The following NNT variants were observed in gnomAD, a reference collection of about 807,000 sequenced individuals.
The protein encoded by NNT is NAD(P) transhydrogenase, mitochondrial.
Under a neutral mutation model 104.8 loss-of-function variants are expected in NNT, and 50 were observed. The ratio of observed to expected loss-of-function variants is 0.48; its 90% CI spans 0.38 to 0.60. The LOEUF (loss-of-function observed/expected upper bound fraction) is 0.60, where lower values mean the gene tolerates loss of function less well. Ranked by LOEUF, NNT falls within the 20% of genes least tolerant of loss-of-function variation. The pLI is 0.00. For synonymous variants in NNT, 461 were observed against 490.4 expected (o/e 0.94, Z 0.79); for missense variants, 1,131 against 1,330.7 (o/e 0.85, Z 2.33).
intron 1 of NNT, among the ~76,000 whole-genome samples, chr5:43,608,010 A>T (rs1382294481): frequency 6.6e-6 from 1 of 151,694 alleles, no homozygotes; most frequent in Non-Finnish European, 1.5e-5. Context: ...GGCTCACTGC[A>T]TCCTCCACCT....
intron 19 of NNT, among the ~76,000 whole-genome samples, chr5:43,699,353 CTTT>C (rs11397352): frequency 1.6e-5 from 2 of 122,514 alleles, no homozygotes; most frequent in Non-Finnish European, 1.6e-5. Flanking sequence ...ATCTCCCTAC[CTTT>C]TTTTTTTTTT....
At chr5:43,657,707 T>C (rs1381178789) in intron 16 of NNT, among the ~76,000 whole-genome samples, 3 of 152,210 alleles carry the variant, frequency 2.0e-5, no homozygotes, top group Non-Finnish European at 2.9e-5. Context: ...TAAAATCTCA[T>C]CTTTATATTC....
At chr5:43,627,540 T>A (rs1365578586) in intron 6 of NNT, among the ~76,000 whole-genome samples, 1 of 152,184 alleles carries the variant, frequency 6.6e-6, no homozygotes, top group African/African-American at 2.4e-5. Context: ...TACATGCACG[T>A]CCACCACAGA....
At chr5:43,617,411 T>C (rs957858667) in intron 4 of NNT, among the ~76,000 whole-genome samples, 1 of 152,120 alleles carries the variant, frequency 6.6e-6, no homozygotes, top group African/African-American at 2.4e-5. Flanking sequence ...TTGTCTGAAG[T>C]TTAAACCTTC....
chr5:43,665,338 T>A (rs925343279), intron 17 of NNT, among the ~76,000 whole-genome samples: 1 of 151,826 alleles, frequency 6.6e-6, no homozygotes, highest in South Asian at 2.1e-4. Context: ...CAGATAAACA[T>A]GTGAACAAAG....
chr5:43,680,238 G>A (rs368966051), intron 19 of NNT, among the ~76,000 whole-genome samples: 1 of 151,836 alleles, frequency 6.6e-6, no homozygotes, highest in Non-Finnish European at 1.5e-5. Context: ...TCTTTACGAA[G>A]TTAGGAATAT....
Position 43,675,666 on chromosome 5 carries a change from A to C in NNT, c.2790A>C (p.Thr930=). The change falls in exon 18 of 22, where the codon ACA becomes ACC. Residue 930 remains threonine (T), a synonymous_variant. Coordinates refer to ENST00000344920, the MANE Select transcript of NNT (RefSeq NM_182977.3). ...MIREANSIII[T]PGYGLCAAKA... Reference sequence around the variant, plus strand: ...GAGAAGCTAATAGCATTATTATTACACCAGGTAAAGAAAAAAAGCAAAAGC... The same window carrying C: ...GAGAAGCTAATAGCATTATTATTACCCCAGGTAAAGAAAAAAAGCAAAAGC... 1 of 1,593,162 alleles carries C rather than the reference A, an allele frequency of 6.3e-7. No homozygotes were observed. The highest frequency in any genetic ancestry group is 8.5e-7 in the Non-Finnish European group (1 of 1,171,030).
chr5:43,704,414 A>T lies in NNT; in HGVS notation c.*10A>T. 1.2e-6 allele frequency: 2 copies of T among 1,613,276 alleles called. No individual in the cohort carries two copies. The highest frequency in any genetic ancestry group is 1.7e-6 in the Non-Finnish European group (2 of 1,179,488). On this transcript the variant is annotated 3_prime_UTR_variant, in exon 22 of 22. Coordinates refer to ENST00000344920, the MANE Select transcript of NNT (RefSeq NM_182977.3). ...ATCCTATCAGAAGTAAATATTAAGG[A>T]TCAAGCTGTTAGCTAATAATGCCAC...
upstream of NNT, chr5:43,602,904 G>A: frequency 6.5e-6 from 1 of 152,910 alleles, no homozygotes; most frequent in Non-Finnish European, 1.5e-5. Flanking sequence ...TGATTGACAA[G>A]GACTGGCGGA....
At chr5:43,688,978 C>T (rs1429195233) in intron 19 of NNT, among the ~76,000 whole-genome samples, 1 of 152,138 alleles carries the variant, frequency 6.6e-6, no homozygotes, top group Non-Finnish European at 1.5e-5. Flanking sequence ...CACTGTTTAC[C>T]ATAGTGTATT....
intron 6 of NNT, 39 bp from the exon 7 acceptor site, chr5:43,628,161 C>G: frequency 6.9e-7 from 1 of 1,448,726 alleles, no homozygotes; most frequent in South Asian, 1.6e-5. Context: ...TTATTAGGGC[C>G]TGAAATAACT....
At chr5:43,603,885 C>A (rs1247685296) in intron 1 of NNT, among the ~76,000 whole-genome samples, 2 of 152,008 alleles carry the variant, frequency 1.3e-5, no homozygotes, top group African/African-American at 4.8e-5. Context: ...GTTTCTGGGG[C>A]CTAGGCTGGT....
intron 17 of NNT, among the ~76,000 whole-genome samples, chr5:43,673,053 G>A (rs954523296): frequency 4.6e-5 from 7 of 152,344 alleles, no homozygotes; most frequent in East Asian, 1.9e-4. Context: ...AGCAATGAGC[G>A]AGGCTCTGTG....
chr5:43,656,217 G>A, intron 15 of NNT, 144 bp downstream of exon 15: 1 of 692,788 alleles, frequency 1.4e-6, no homozygotes, highest in South Asian at 1.9e-5. Context: ...TGAGGTGGGA[G>A]GCTCTCAAGC....
rs1028217432 is a variant in NNT at position 43,603,297 on chromosome 5, G to A, written c.-54+3G>A. ...AGGCTGTCAGCCTCCCGGCCCAGGT[G>A]AGCGCGACGGCACTGGCGGGTGCGG... On this transcript the variant is annotated splice_donor_region_variant and intron_variant, in intron 1 of 21. Transcript: ENST00000344920. The A allele has an allele frequency of 6.6e-6, 1 of 152,596 alleles. No homozygotes were observed. Among genetic ancestry groups the A allele is most frequent in the Admixed American group, 6.5e-5 (1 of 15,296 alleles). The allele number at this position is 152,596 out of a possible 1,614,324, so 9.5% of individuals were successfully genotyped here. A position where few individuals can be genotyped will look rare whatever the true frequency, so the allele number is the denominator to read the frequency against.
rs763475950 is a variant in NNT, at chr5:43,628,234, G to A, written c.811G>A (p.Ala271Thr). 4 of 1,613,782 alleles carry A rather than the reference G, an allele frequency of 2.5e-6. No individual in the cohort carries two copies. Among genetic ancestry groups the A allele is most frequent in the Non-Finnish European group, 3.4e-6 (4 of 1,179,884 alleles). ...AALEQFKSLGAEPLEVDLKES... is the reference protein window; with the variant it reads ...AALEQFKSLGTEPLEVDLKES... Reference sequence around the variant, plus strand: ...TTTGGAACAGTTCAAGTCTCTTGGTGCTGAGCCCTTGGAGGTGGACTTGAA... The same window carrying A: ...TTTGGAACAGTTCAAGTCTCTTGGTACTGAGCCCTTGGAGGTGGACTTGAA... The change falls in exon 7 of 22, where the codon GCT (alanine) becomes ACT (threonine). Residue 271 changes from alanine to threonine, a missense_variant. Physicochemically the swap from Ala to Thr is moderately conservative, Grantham distance 58 (BLOSUM62 0). Transcript: ENST00000344920.
chr5:43,634,751 A>G (rs2111749617), intron 7 of NNT, among the ~76,000 whole-genome samples: 1 of 152,336 alleles, frequency 6.6e-6, no homozygotes, highest in South Asian at 2.1e-4. Flanking sequence ...TTCAATGCAG[A>G]TAGAGCAACT....
chr5:43,651,892 G>C lies in NNT; in HGVS notation c.1863+8G>C. ...GGTTATAACATTGAACAGGTAAGATGCTCTTTGTAAGTTTTTATATTTACC... is the reference window on the plus strand; with the variant it reads ...GGTTATAACATTGAACAGGTAAGATCCTCTTTGTAAGTTTTTATATTTACC... On this transcript the variant is annotated splice_region_variant and intron_variant, in intron 13 of 21. Coordinates refer to ENST00000344920, the MANE Select transcript of NNT (RefSeq NM_182977.3). The C allele has an allele frequency of 6.2e-7, 1 of 1,611,196 alleles. No individual in the cohort carries two copies. The highest frequency in any genetic ancestry group is 1.7e-5 in the Admixed American group (1 of 59,198).
intron 7 of NNT, among the ~76,000 whole-genome samples, chr5:43,637,368 T>C (rs1388041650): frequency 6.6e-6 from 1 of 152,172 alleles, no homozygotes; most frequent in Admixed American, 6.6e-5. Flanking sequence ...TTGTTATCAT[T>C]GGTAACATTT....
Sources: gnomAD v4.1 joint callset for allele counts (sites outside exome capture counted in the v4.1 genomes callset) on GRCh38, gnomAD v4.1.1 for gene constraint, MANE v1.5 for transcripts, NCBI Gene and HGNC (gene_info 2026-07-23, HGNC 2026-07-21) for gene names.